Variants in NRG1 observed in about 807,000 individuals in gnomAD.
NRG1 encodes neuregulin 1.
A neutral mutation model predicts 63.8 loss-of-function variants in NRG1; 18 were observed. The ratio of observed to expected loss-of-function variants is 0.28; its 90% CI spans 0.19 to 0.42. NRG1 has a LOEUF of 0.42. Among genes scored for constraint, NRG1 ranks in the 10% least tolerant of loss-of-function variants. The pLI is 1.00. For synonymous variants in NRG1, 302 were observed against 301.3 expected, an observed-to-expected ratio of 1.00 and a Z score of -0.02; for missense variants, 762 against 814.7, an observed-to-expected ratio of 0.94 and a Z score of 0.79.
chr8:31,640,234 G>A lies in NRG1; in HGVS notation c.37+803G>A. On this transcript the variant is annotated intron_variant, in intron 1 of 10. Coordinates refer to the NRG1 transcript ENST00000519301. This position sits in a 1 kb window ranked among gnomAD's most constrained non-coding sequence, Gnocchi z 6.3. ...AGCTCAGCGCGCCGCGGTGGTGATC[G>A]AGGGAAAGGTGCACCCGCAGCGGCG... 1 of 1,156,636 alleles carries A rather than the reference G, an allele frequency of 8.6e-7. No individual in the cohort carries two copies. The highest frequency in any genetic ancestry group is 1.1e-6 in the Non-Finnish European group (1 of 939,538). The allele number at this position is 1,156,636 out of a possible 1,614,324, so 71.6% of individuals were successfully genotyped here.
rs574648174 is a variant in NRG1 at position 32,452,345 on chromosome 8, G to T, written c.38-143483G>T. ...TTTGGACTGACTTTGAGTTGGGGAG[G>T]CTTTATGGAGGAGGTGACATTTGAG... On this transcript the variant is annotated intron_variant, in intron 1 of 10. Coordinates refer to the NRG1 transcript ENST00000519301. Among the ~76,000 whole-genome samples the T allele has an allele frequency of 1.8e-4, 27 of 152,140 alleles. No individual in the cohort carries two copies. In the South Asian group the frequency reaches 5.4e-3, roughly 30 times the overall value.
intron 1 of NRG1, among the ~76,000 whole-genome samples, chr8:32,434,098 A>C (rs1228282141): frequency 6.6e-6 from 1 of 152,090 alleles, no homozygotes; most frequent in East Asian, 1.9e-4. Flanking sequence ...AGGCAGGAGA[A>C]TCACTTGAAC....
chr8:32,368,592 A>G (rs984923390), intron 1 of NRG1, among the ~76,000 whole-genome samples: 2 of 152,244 alleles, frequency 1.3e-5, no homozygotes, highest in Non-Finnish European at 2.9e-5. Context: ...AAAAGAAAGT[A>G]CTTCTATTTA....
At chr8:31,867,256 G>A (rs188404844) in intron 1 of NRG1, among the ~76,000 whole-genome samples, 66 of 152,276 alleles carry the variant, frequency 4.3e-4, no homozygotes, top group African/African-American at 1.4e-3. Context: ...GTGCACACGA[G>A]CTCTTTCCTA....
At chr8:32,373,872 A>G (rs1809269388) in intron 1 of NRG1, among the ~76,000 whole-genome samples, 1 of 152,216 alleles carries the variant, frequency 6.6e-6, no homozygotes, top group Admixed American at 6.6e-5. Flanking sequence ...TGCTTCTAAG[A>G]TGAATAATAC....
chr8:32,545,855 T>C (rs1208125182), upstream of NRG1, among the ~76,000 whole-genome samples: 3 of 152,222 alleles, frequency 2.0e-5, no homozygotes. Flanking sequence ...CAGAAAGGAT[T>C]GTTGTCATGC....
intron 5 of NRG1, among the ~76,000 whole-genome samples, chr8:32,628,935 T>C (rs374033361): frequency 9.4e-4 from 143 of 152,180 alleles, no homozygotes; most frequent in African/African-American, 3.2e-3. Context: ...GGTTCCACCA[T>C]GTTGGCCAGG....
intron 1 of NRG1, among the ~76,000 whole-genome samples, chr8:32,071,018 C>T (rs766526464): frequency 4.6e-5 from 7 of 152,186 alleles, no homozygotes; most frequent in African/African-American, 9.7e-5. Context: ...GCCGATCTCT[C>T]TGCCTATGAT....
At chr8:32,324,165 G>C in intron 1 of NRG1, among the ~76,000 whole-genome samples, 1 of 152,036 alleles carries the variant, frequency 6.6e-6, no homozygotes, top group East Asian at 1.9e-4. Context: ...CAGGCACACT[G>C]TTTGCAAAGG....
At chr8:32,673,022 A>G (rs919113403) in intron 5 of NRG1, among the ~76,000 whole-genome samples, 3 of 152,256 alleles carry the variant, frequency 2.0e-5, no homozygotes, top group African/African-American at 7.2e-5. Context: ...ATTGAGTTGT[A>G]TTTAAGAATA....
intron 1 of NRG1, among the ~76,000 whole-genome samples, chr8:31,886,526 T>C (rs908310169): frequency 6.6e-6 from 1 of 152,080 alleles, no homozygotes; most frequent in African/African-American, 2.4e-5. Context: ...AAAAATAATT[T>C]GGAACTGCTT....
At chr8:31,686,078 A>T (rs1407443169) in intron 1 of NRG1, among the ~76,000 whole-genome samples, 1 of 152,186 alleles carries the variant, frequency 6.6e-6, no homozygotes, top group Non-Finnish European at 1.5e-5. Flanking sequence ...AATTCAAGAA[A>T]TTGGATATAA....
intron 1 of NRG1, among the ~76,000 whole-genome samples, chr8:31,712,753 C>T (rs1041540810): frequency 1.3e-5 from 2 of 152,048 alleles, no homozygotes; most frequent in Admixed American, 6.6e-5. Flanking sequence ...TTTGCTAATG[C>T]TCAATACTGA....
At chr8:32,495,222 T>C (rs1235972736) in intron 1 of NRG1, among the ~76,000 whole-genome samples, 1 of 152,184 alleles carries the variant, frequency 6.6e-6, no homozygotes, top group East Asian at 1.9e-4. Flanking sequence ...TCGGAGGTAA[T>C]TGAATCATGG....
At chr8:31,778,018 C>T (rs532181039) in intron 1 of NRG1, among the ~76,000 whole-genome samples, 13 of 152,128 alleles carry the variant, frequency 8.5e-5, no homozygotes, top group South Asian at 2.1e-4. Context: ...GGTTAAACTC[C>T]GGGAGAGACA....
intron 1 of NRG1, among the ~76,000 whole-genome samples, chr8:31,857,533 A>T (rs961452205): frequency 6.6e-6 from 1 of 152,130 alleles, no homozygotes; most frequent in Non-Finnish European, 1.5e-5. Flanking sequence ...AGTGAGATGA[A>T]CCCGGTACCT....
At chr8:31,922,314 T>G (rs1833986590) in intron 1 of NRG1, among the ~76,000 whole-genome samples, 1 of 152,158 alleles carries the variant, frequency 6.6e-6, no homozygotes, top group Non-Finnish European at 1.5e-5. Context: ...CCGTTTGCCA[T>G]GGTGTAAATA....
At chr8:32,168,976 T>C (rs1839696618) in intron 1 of NRG1, among the ~76,000 whole-genome samples, 1 of 152,210 alleles carries the variant, frequency 6.6e-6, no homozygotes, top group African/African-American at 2.4e-5. Flanking sequence ...GAGAGGTATT[T>C]CCCTAGTAGC....
chr8:32,522,230 C>G (rs1830410378), intron 1 of NRG1, among the ~76,000 whole-genome samples: 2 of 152,158 alleles, frequency 1.3e-5, no homozygotes, highest in African/African-American at 2.4e-5. Context: ...AATGAGAACC[C>G]CTTCTTACTG....
Sources: gnomAD v4.1 joint callset for allele counts (sites outside exome capture counted in the v4.1 genomes callset) on GRCh38, gnomAD v4.1.1 for gene constraint, Gnocchi (gnomAD v3.1) non-coding constraint, MANE v1.5 for transcripts, NCBI Gene and HGNC (gene_info 2026-07-23, HGNC 2026-07-21) for gene names.